SH3RF3: variants seen among roughly 807,000 people sequenced by gnomAD.
SH3RF3 encodes the protein E3 ubiquitin-protein ligase SH3RF3.
Under a neutral mutation model 66.3 loss-of-function variants are expected in SH3RF3, and 29 were observed. The observed-to-expected ratio is 0.44, with a 90% CI of 0.33 to 0.60. The LOEUF (loss-of-function observed/expected upper bound fraction) is 0.60, where lower values mean the gene tolerates loss of function less well. Among genes scored for constraint, SH3RF3 ranks in the 20% least tolerant of loss-of-function variants. The pLI, the probability that SH3RF3 is intolerant of heterozygous loss-of-function variation, is 0.04. For missense variants in SH3RF3, 1,194 were observed against 1,190.9 expected, an observed-to-expected ratio of 1.00 and a Z score of -0.04; for synonymous variants, 583 against 532.0, an observed-to-expected ratio of 1.10 and a Z score of -1.32.
At chr2:109,163,485 G>A (rs973531468) in intron 1 of SH3RF3, among the ~76,000 whole-genome samples, 3 of 120,702 alleles carry the variant, frequency 2.5e-5, no homozygotes, top group Admixed American at 2.2e-4. Context: ...TGCAAGCTCC[G>A]CCTCCCGGGT....
chr2:109,420,488 C>A (rs1359687458), intron 5 of SH3RF3, among the ~76,000 whole-genome samples: 2 of 152,118 alleles, frequency 1.3e-5, no homozygotes, highest in Admixed American at 1.3e-4. Flanking sequence ...CTCTGTCTCC[C>A]AGGCTGGAGT....
intron 1 of SH3RF3, among the ~76,000 whole-genome samples, chr2:109,240,428 C>T (rs905726897): frequency 6.6e-6 from 1 of 152,116 alleles, no homozygotes; most frequent in African/African-American, 2.4e-5. Context: ...GCGGAGCTTG[C>T]AGTGAGCCAA....
chr2:109,437,137 A>C lies in SH3RF3; in HGVS notation c.1819A>C (p.Ile607Leu). The change falls in exon 7 of 10, where the codon ATT (isoleucine) becomes CTT (leucine). Residue 607 changes from isoleucine to leucine, a missense_variant. Transcript: ENST00000309415. ...QPTASQARST[I>L]STAAHSAAQA... is the part of the protein sequence containing the mutation. ...AACGGCCAGCCAAGCCCGGAGCACC[A>C]TTTCAACAGGTACCTTCACAGGGGC... 6.2e-7 allele frequency: 1 copy of C among 1,610,268 alleles called. No individual in the cohort carries two copies. The highest frequency in any genetic ancestry group is 1.1e-5 in the South Asian group (1 of 90,828).
At chr2:109,290,078 CTT>C (rs1225269946) in intron 1 of SH3RF3, among the ~76,000 whole-genome samples, 1 of 152,210 alleles carries the variant, frequency 6.6e-6, no homozygotes, top group Non-Finnish European at 1.5e-5. Context: ...AGGAATCTCT[CTT>C]GTGATGCCAA....
intron 8 of SH3RF3, among the ~76,000 whole-genome samples, chr2:109,467,000 G>C (rs969372752): frequency 6.6e-6 from 1 of 152,210 alleles, no homozygotes; most frequent in African/African-American, 2.4e-5. Context: ...AAGAGAGAAA[G>C]AGGCTGCATA....
At chr2:109,154,082 T>C (rs1677282935) in intron 1 of SH3RF3, among the ~76,000 whole-genome samples, 1 of 152,198 alleles carries the variant, frequency 6.6e-6, no homozygotes, top group African/African-American at 2.4e-5. Flanking sequence ...ATGAACACTG[T>C]CAATATGCTG....
intron 1 of SH3RF3, among the ~76,000 whole-genome samples, chr2:109,283,502 G>A (rs1680944181): frequency 6.6e-6 from 1 of 152,152 alleles, no homozygotes; most frequent in African/African-American, 2.4e-5. Context: ...TGTCCACAAA[G>A]GTCTCCAGAA....
chr2:109,207,860 C>G (rs1678876658), intron 1 of SH3RF3, among the ~76,000 whole-genome samples: 4 of 152,058 alleles, frequency 2.6e-5, no homozygotes, highest in South Asian at 4.1e-4. Flanking sequence ...GTTTGGGGAC[C>G]AATTTAACAA....
chr2:109,484,498 C>T (rs1192929106), intron 8 of SH3RF3, among the ~76,000 whole-genome samples: 1 of 152,184 alleles, frequency 6.6e-6, no homozygotes, highest in Non-Finnish European at 1.5e-5. Flanking sequence ...CACTCACCAG[C>T]CCAGGCCTTT....
chr2:109,200,630 C>A (rs747456246), intron 1 of SH3RF3, among the ~76,000 whole-genome samples: 2 of 152,260 alleles, frequency 1.3e-5, no homozygotes, highest in African/African-American at 4.8e-5. Context: ...GAGCTTGTCC[C>A]AGCAGCCTGC....
intron 1 of SH3RF3, among the ~76,000 whole-genome samples, chr2:109,280,305 A>G (rs1680852061): frequency 6.6e-6 from 1 of 152,206 alleles, no homozygotes; most frequent in African/African-American, 2.4e-5. Context: ...TTTTACATGC[A>G]AGGAAACTGA....
intron 7 of SH3RF3, among the ~76,000 whole-genome samples, chr2:109,439,005 C>T (rs1003724290): frequency 6.6e-6 from 1 of 152,172 alleles, no homozygotes; most frequent in Non-Finnish European, 1.5e-5. Context: ...AGTGCAGTGG[C>T]CCTGGGTTGT....
chr2:109,311,777 T>C (rs1574565829), intron 1 of SH3RF3, among the ~76,000 whole-genome samples: 2 of 132,992 alleles, frequency 1.5e-5, no homozygotes, highest in East Asian at 4.1e-4. Flanking sequence ...GAGCAAGTCA[T>C]ATCAAGGCTA....
At chr2:109,138,957 T>C (rs1676874907) in intron 1 of SH3RF3, among the ~76,000 whole-genome samples, 1 of 152,224 alleles carries the variant, frequency 6.6e-6, no homozygotes, top group Non-Finnish European at 1.5e-5. Flanking sequence ...AGCCAATAGG[T>C]ATCTCTTGAC....
At chr2:109,288,940 T>C (rs556464336) in intron 1 of SH3RF3, among the ~76,000 whole-genome samples, 2 of 152,336 alleles carry the variant, frequency 1.3e-5, no homozygotes, top group South Asian at 4.1e-4. Flanking sequence ...AACCCATAGC[T>C]ATGAATAAAT....
intron 4 of SH3RF3, among the ~76,000 whole-genome samples, 194 bp downstream of exon 4, chr2:109,399,137 C>T (rs756036804): frequency 7.2e-5 from 11 of 152,104 alleles, no homozygotes; most frequent in Non-Finnish European, 1.6e-4. Flanking sequence ...TGAGTGTGCC[C>T]TCCCTGGTTC....
chr2:109,459,833 G>T (rs1213891807), intron 8 of SH3RF3, among the ~76,000 whole-genome samples: 1 of 152,170 alleles, frequency 6.6e-6, no homozygotes, highest in Non-Finnish European at 1.5e-5. Flanking sequence ...TTTTGCTAGT[G>T]GGTTACTAGG....
chr2:109,172,896 A>T (rs1441110903), intron 1 of SH3RF3, among the ~76,000 whole-genome samples: 2 of 152,220 alleles, frequency 1.3e-5, no homozygotes, highest in Non-Finnish European at 2.9e-5. Context: ...ATAAACGTGC[A>T]TGTTCAAAGC....
chr2:109,397,507 A>C (rs1217723789), intron 3 of SH3RF3, among the ~76,000 whole-genome samples: 1 of 152,168 alleles, frequency 6.6e-6, no homozygotes, highest in Non-Finnish European at 1.5e-5. Context: ...ATAGGTGTGC[A>C]CTTAGGCTGA....
Sources: gnomAD v4.1 joint callset for allele counts (sites outside exome capture counted in the v4.1 genomes callset) on GRCh38, gnomAD v4.1.1 for gene constraint, MANE v1.5 for transcripts, NCBI Gene and HGNC (gene_info 2026-07-23, HGNC 2026-07-21) for gene names.